Variants in RBFOX1 observed in about 807,000 individuals in gnomAD.
RBFOX1 encodes the protein RNA binding fox-1 homolog 1, also known as RNA binding protein fox-1 homolog 1.
A neutral mutation model predicts 57.7 loss-of-function variants in RBFOX1; 8 were observed. The ratio of observed to expected loss-of-function variants is 0.14; its 90% confidence interval spans 0.08 to 0.25. RBFOX1 has a LOEUF of 0.25. Among genes scored for constraint, RBFOX1 ranks in the 10% least tolerant of loss-of-function variants. The pLI is 1.00. For synonymous variants in RBFOX1, 326 were observed against 222.4 expected (o/e 1.47, Z -4.15); for missense variants, 611 against 548.5 (o/e 1.11, Z -1.14).
chr16:5,839,970 A>T (rs1035630016), intron 3 of RBFOX1, among the ~76,000 whole-genome samples: 1 of 152,190 alleles, frequency 6.6e-6, no homozygotes, highest in Non-Finnish European at 1.5e-5. Flanking sequence ...ATTACTGGAC[A>T]AACATCTAAC....
At chr16:7,035,595 GTTTATTA>G (rs1451989721) in intron 3 of RBFOX1, among the ~76,000 whole-genome samples, 3 of 151,802 alleles carry the variant, frequency 2.0e-5, no homozygotes, top group Non-Finnish European at 2.9e-5. Flanking sequence ...TGCGTTGTTG[GTTTATTA>G]TTATTATTAT....
chr16:5,495,536 C>G (rs184789458), intron 2 of RBFOX1, among the ~76,000 whole-genome samples: 3 of 152,300 alleles, frequency 2.0e-5, no homozygotes, highest in East Asian at 3.9e-4. Context: ...TATCAACTAG[C>G]AAACAGGAAA....
At chr16:7,693,469 GT>G in intron 14 of RBFOX1, 1 of 806,382 alleles carries the variant, frequency 1.2e-6, no homozygotes, top group Non-Finnish European at 1.9e-6. Flanking sequence ...ACTCTAGAAA[GT>G]TTAGTTAAGA....
At chr16:7,695,449 C>G (rs1407104139) in intron 14 of RBFOX1, among the ~76,000 whole-genome samples, 1 of 151,866 alleles carries the variant, frequency 6.6e-6, no homozygotes, top group Non-Finnish European at 1.5e-5. Context: ...GGTCAGGAGT[C>G]TAAGACCAGC....
At chr16:5,468,907 C>T (rs893094844) in intron 2 of RBFOX1, among the ~76,000 whole-genome samples, 2 of 152,230 alleles carry the variant, frequency 1.3e-5, no homozygotes, top group Non-Finnish European at 2.9e-5. Flanking sequence ...GGCTTCCCGC[C>T]CCGTCCCTTA....
At chr16:6,739,643 G>A (rs929082797) in intron 3 of RBFOX1, among the ~76,000 whole-genome samples, 13 of 152,218 alleles carry the variant, frequency 8.5e-5, no homozygotes, top group East Asian at 3.9e-4. Context: ...TTGGGAGGCC[G>A]AGGTGGGTGG....
chr16:5,863,660 C>T (rs929655611), intron 3 of RBFOX1, among the ~76,000 whole-genome samples: 1 of 152,160 alleles, frequency 6.6e-6, no homozygotes, highest in African/African-American at 2.4e-5. Context: ...GTTCTAGATA[C>T]CTAGAGGGGC....
At chr16:5,369,092 C>T (rs957286545) in intron 1 of RBFOX1, among the ~76,000 whole-genome samples, 2 of 152,164 alleles carry the variant, frequency 1.3e-5, no homozygotes, top group Admixed American at 6.5e-5. Context: ...GCTTCTGTCC[C>T]CTGGGTTCAA....
chr16:5,288,736 C>G (rs2063460392), intron 1 of RBFOX1, among the ~76,000 whole-genome samples: 2 of 151,620 alleles, frequency 1.3e-5, no homozygotes, highest in South Asian at 4.2e-4. Context: ...CAAAATGATT[C>G]TCTTTGATAG....
intron 1 of RBFOX1, among the ~76,000 whole-genome samples, chr16:5,406,965 A>G (rs990655817): frequency 6.6e-6 from 1 of 152,118 alleles, no homozygotes; most frequent in Non-Finnish European, 1.5e-5. Context: ...GTGACATTTG[A>G]GTGATGTATT....
chr16:5,785,751 T>C (rs1267559985), intron 3 of RBFOX1, among the ~76,000 whole-genome samples: 4 of 152,122 alleles, frequency 2.6e-5, no homozygotes, highest in African/African-American at 9.7e-5. Flanking sequence ...GGTCTTGAAC[T>C]CCCGACCTCA....
At chr16:7,240,306 C>T (rs375694615) in intron 4 of RBFOX1, among the ~76,000 whole-genome samples, 5 of 152,142 alleles carry the variant, frequency 3.3e-5, no homozygotes, top group South Asian at 2.1e-4. Flanking sequence ...TGAATGTTTA[C>T]GGAGCAGTGT....
intron 3 of RBFOX1, among the ~76,000 whole-genome samples, chr16:5,769,778 A>T (rs1228906832): frequency 1.3e-5 from 2 of 152,192 alleles, no homozygotes; most frequent in African/African-American, 4.8e-5. Flanking sequence ...AGCCCTGAGG[A>T]GGAATCAAAC....
At chr16:6,389,083 A>G (rs2092457707) in intron 2 of RBFOX1, among the ~76,000 whole-genome samples, 1 of 152,118 alleles carries the variant, frequency 6.6e-6, no homozygotes, top group Admixed American at 6.5e-5. Context: ...TTGGCTTTGC[A>G]CTTTTGCCAG....
intron 4 of RBFOX1, among the ~76,000 whole-genome samples, chr16:5,954,440 T>C (rs1281758810): frequency 6.6e-6 from 1 of 152,116 alleles, no homozygotes; most frequent in Non-Finnish European, 1.5e-5. Context: ...CAGAAAATGA[T>C]CTCGGTGAAG....
intron 4 of RBFOX1, among the ~76,000 whole-genome samples, chr16:6,000,745 A>G (rs2060584282): frequency 7.2e-6 from 1 of 137,964 alleles, no homozygotes; most frequent in East Asian, 3.0e-4. Flanking sequence ...GCATGGGTAG[A>G]TGGATGGATG....
At chr16:6,891,197 A>G (rs891887208) in intron 3 of RBFOX1, among the ~76,000 whole-genome samples, 8 of 152,364 alleles carry the variant, frequency 5.3e-5, no homozygotes, top group East Asian at 1.9e-4. Flanking sequence ...AGTAGTGGCT[A>G]CAATAATATT....
intron 4 of RBFOX1, among the ~76,000 whole-genome samples, chr16:7,185,343 C>T (rs949051466): frequency 1.3e-5 from 2 of 152,076 alleles, no homozygotes; most frequent in Non-Finnish European, 1.5e-5. Context: ...TGTTTAATCA[C>T]AGAATCTCAG....
At chr16:6,897,650 G>T (rs1168039271) in intron 3 of RBFOX1, among the ~76,000 whole-genome samples, 1 of 151,824 alleles carries the variant, frequency 6.6e-6, no homozygotes, top group East Asian at 2.0e-4. Context: ...AAAATTAGCT[G>T]GGCTTGGTGG....
Sources: allele counts gnomAD v4.1 joint callset (sites outside exome capture counted in the v4.1 genomes callset), GRCh38; gene constraint gnomAD v4.1.1; transcripts MANE v1.5; gene names NCBI Gene and HGNC (gene_info 2026-07-23, HGNC 2026-07-21).